The following PRIMA1 variants were observed in gnomAD, a reference collection of about 807,000 sequenced individuals.
PRIMA1 encodes proline-rich membrane anchor 1.
In PRIMA1, 7 loss-of-function variants were observed where a neutral mutation model predicts 17.5. The ratio of observed to expected loss-of-function variants is 0.40; its 90% confidence interval spans 0.23 to 0.75. PRIMA1 has a LOEUF of 0.75. PRIMA1 is among the 30% of genes least tolerant of loss of function. The probability of loss-of-function intolerance (pLI) is 0.37; values close to 1 mark genes in which losing one functional copy is unlikely to be tolerated. For missense variants in PRIMA1, 200 were observed against 201.8 expected (o/e 0.99, Z 0.05); for synonymous variants, 97 against 77.9 (o/e 1.25, Z -1.29).
chr14:93,745,978 C>T (rs951471579), intron 3 of PRIMA1, among the ~76,000 whole-genome samples: 3 of 152,126 alleles, frequency 2.0e-5, no homozygotes, highest in African/African-American at 7.2e-5. Context: ...CAGCAGACAC[C>T]CCTCCGCCGC....
chr14:93,775,293 G>C (rs981127679), intron 3 of PRIMA1, among the ~76,000 whole-genome samples: 36 of 152,224 alleles, frequency 2.4e-4, no homozygotes, highest in Non-Finnish European at 4.9e-4. Flanking sequence ...ACTGGACTGT[G>C]AACTCCATGA....
intron 4 of PRIMA1, among the ~76,000 whole-genome samples, chr14:93,734,880 C>G (rs2076139833): frequency 6.6e-6 from 1 of 152,178 alleles, no homozygotes; most frequent in Admixed American, 6.5e-5. Context: ...AGAGGACAGA[C>G]AGGAGGCCCC....
intron 3 of PRIMA1, among the ~76,000 whole-genome samples, chr14:93,762,035 C>T (rs904347969): frequency 6.6e-6 from 1 of 152,200 alleles, no homozygotes; most frequent in Admixed American, 6.5e-5. Context: ...TCCACAGAAA[C>T]AACCTCCCTC....
chr14:93,724,638 C>G (rs1392310950), intron 4 of PRIMA1, among the ~76,000 whole-genome samples: 4 of 152,168 alleles, frequency 2.6e-5, no homozygotes, highest in African/African-American at 9.7e-5. Flanking sequence ...AGTGAGGCCG[C>G]TGAGGGACTC....
chr14:93,723,190 C>T (rs1413767668), intron 4 of PRIMA1, among the ~76,000 whole-genome samples: 1 of 152,182 alleles, frequency 6.6e-6, no homozygotes, highest in African/African-American at 2.4e-5. Context: ...TATCTCATCC[C>T]CACGGGGCTG....
chr14:93,751,809 T>G (rs562735210), intron 3 of PRIMA1, among the ~76,000 whole-genome samples: 1 of 152,214 alleles, frequency 6.6e-6, no homozygotes, highest in Non-Finnish European at 1.5e-5. Flanking sequence ...ATACGTAGTA[T>G]TGAAGAAAAC....
intron 4 of PRIMA1, among the ~76,000 whole-genome samples, chr14:93,735,864 T>C (rs1175468592): frequency 6.6e-6 from 1 of 152,100 alleles, no homozygotes; most frequent in Non-Finnish European, 1.5e-5. Context: ...TAATTTTGTA[T>C]TTTTAGTAGA....
At chr14:93,725,629 G>T (rs567499678) in intron 4 of PRIMA1, among the ~76,000 whole-genome samples, 1 of 152,302 alleles carries the variant, frequency 6.6e-6, no homozygotes, top group African/African-American at 2.4e-5. Context: ...TTTGAAATGA[G>T]CACAATAGTG....
intron 4 of PRIMA1, among the ~76,000 whole-genome samples, chr14:93,730,741 G>C (rs925821310): frequency 6.6e-6 from 1 of 152,214 alleles, no homozygotes; most frequent in Non-Finnish European, 1.5e-5. Flanking sequence ...GCTCCAGAAA[G>C]AGTGTAAATC....
intron 3 of PRIMA1, among the ~76,000 whole-genome samples, chr14:93,745,157 G>A (rs890422086): frequency 2.0e-5 from 3 of 152,240 alleles, no homozygotes; most frequent in South Asian, 2.1e-4. Flanking sequence ...GCTGGGCTTC[G>A]GTGGCCGGCA....
intron 3 of PRIMA1, among the ~76,000 whole-genome samples, chr14:93,740,004 G>T (rs2076174960): frequency 6.6e-6 from 1 of 151,848 alleles, no homozygotes; most frequent in Admixed American, 6.6e-5. Flanking sequence ...GGTGGAGGTT[G>T]CAGTGAGCTA....
At chr14:93,727,194 G>A (rs933163646) in intron 4 of PRIMA1, among the ~76,000 whole-genome samples, 1 of 152,180 alleles carries the variant, frequency 6.6e-6, no homozygotes, top group African/African-American at 2.4e-5. Flanking sequence ...GGCCGCCTCC[G>A]CTGAGCTGCG....
chr14:93,748,952 G>A (rs979994867), intron 3 of PRIMA1, among the ~76,000 whole-genome samples: 3 of 152,146 alleles, frequency 2.0e-5, no homozygotes, highest in African/African-American at 7.2e-5. Context: ...GGAGGCTGGG[G>A]CAGGAGCCGG....
rs1292735229 is a variant in PRIMA1, at chr14:93,747,897, AGT to A, written c.230-10529_230-10528del. On this transcript the variant is annotated intron_variant, in intron 3 of 4. Coordinates refer to ENST00000393140, the MANE Select transcript of PRIMA1 (RefSeq NM_178013.4). Reference sequence around the variant, plus strand: ...GACTGAGTGGGAGAGTGTGTGTATGAGTGTGTAAGAGTGGGGGACTGTGTGGA... The same window carrying A: ...GACTGAGTGGGAGAGTGTGTGTATGAGTGTAAGAGTGGGGGACTGTGTGGA... Among the ~76,000 whole-genome samples, 3 of 106,016 alleles carry A rather than the reference AGT, an allele frequency of 2.8e-5. No individual in the cohort carries two copies. In the South Asian group the frequency reaches 9.5e-4, roughly 34 times the overall value. The allele number at this position is 106,016 out of a possible 152,430, so 69.6% of individuals were successfully genotyped here.
Position 93,779,324 on chromosome 14 carries a change from G to A in PRIMA1, c.94-13C>T. On this transcript the variant is annotated splice_polypyrimidine_tract_variant and intron_variant, in intron 2 of 4. Transcript: ENST00000393140. Reference sequence around the variant, plus strand: ...CACCATGCGTCACCTGTACACATGGGCACACGTACCCAAGAGAGAGAGAAG... The same window carrying A: ...CACCATGCGTCACCTGTACACATGGACACACGTACCCAAGAGAGAGAGAAG... 1 of 1,542,896 alleles carries A rather than the reference G, an allele frequency of 6.5e-7. No homozygotes were observed.
chr14:93,733,250 G>A (rs897713001), intron 4 of PRIMA1, among the ~76,000 whole-genome samples: 2 of 152,202 alleles, frequency 1.3e-5, no homozygotes, highest in Admixed American at 6.5e-5. Flanking sequence ...ACCAGGTCTG[G>A]GCAAGGTGCC....
intron 4 of PRIMA1, among the ~76,000 whole-genome samples, chr14:93,729,357 T>C (rs1021843469): frequency 6.6e-6 from 1 of 151,628 alleles, no homozygotes; most frequent in African/African-American, 2.4e-5. Flanking sequence ...GAGGAGGGAG[T>C]GTTGCTACAG....
chr14:93,759,647 G>A (rs2076314897), intron 3 of PRIMA1, among the ~76,000 whole-genome samples: 1 of 152,176 alleles, frequency 6.6e-6, no homozygotes, highest in Non-Finnish European at 1.5e-5. Flanking sequence ...CCTATGATGA[G>A]AAGCCTCCCT....
intron 4 of PRIMA1, among the ~76,000 whole-genome samples, chr14:93,733,015 G>A (rs1421955370): frequency 6.6e-6 from 1 of 152,208 alleles, no homozygotes; most frequent in Non-Finnish European, 1.5e-5. Context: ...CCATGTGGCT[G>A]TAGATAAAAA....
Sources: allele counts gnomAD v4.1 joint callset (sites outside exome capture counted in the v4.1 genomes callset), GRCh38; gene constraint gnomAD v4.1.1; transcripts MANE v1.5; gene names NCBI Gene and HGNC (gene_info 2026-07-23, HGNC 2026-07-21).